Variants in FBN1 observed in about 807,000 individuals in gnomAD.
The protein encoded by FBN1 is fibrillin 1.
In FBN1, 29 loss-of-function variants were observed where a neutral mutation model predicts 365.1. That is an observed-to-expected ratio of 0.08 (90% CI 0.06 to 0.11). The LOEUF is 0.11. FBN1 is among the 10% of genes least tolerant of loss of function. The probability of loss-of-function intolerance (pLI) is 1.00; values close to 1 mark genes in which losing one functional copy is unlikely to be tolerated. For missense variants in FBN1, 2,476 were observed against 3,703.2 expected, an observed-to-expected ratio of 0.67 and a Z score of 8.60; for synonymous variants, 1,210 against 1,270.5, an observed-to-expected ratio of 0.95 and a Z score of 1.01.
chr15:48,624,155 T>C (rs1889826223), intron 2 of FBN1, among the ~76,000 whole-genome samples: 2 of 152,120 alleles, frequency 1.3e-5, no homozygotes, highest in Admixed American at 6.6e-5. Context: ...CAAAAAGCCA[T>C]GGGATGCACT....
At chr15:48,427,845 T>TTTTTATATCTGAC in intron 57 of FBN1, 72 bp from the exon 58 acceptor site, 1 of 1,482,710 alleles carries the variant, frequency 6.7e-7, no homozygotes, top group Non-Finnish European at 9.3e-7. Context: ...AAAAATTTGG[T>TTTTTATATCTGAC]CAGATATAAA....
chr15:48,553,098 A>C (rs2044155375), intron 6 of FBN1, among the ~76,000 whole-genome samples: 1 of 152,186 alleles, frequency 6.6e-6, no homozygotes, highest in African/African-American at 2.4e-5. Context: ...GCCAGTTCTC[A>C]CTTGTAAGAT....
In FBN1 at chr15:48,520,698, C is replaced by A. The variant is rs1191931914; in HGVS notation, c.1108G>T (p.Val370Phe). 5.0e-6 allele frequency: 8 copies of A among 1,614,128 alleles called. No individual in the cohort carries two copies. The highest frequency in any genetic ancestry group is 1.7e-5 in the Admixed American group (1 of 60,022). Residue 370 changes from valine (V) to phenylalanine (F), a missense_variant, in exon 10 of 66, where the codon GTC (valine) becomes TTC (phenylalanine). Around this residue, in one of 5 missense-constraint regions of FBN1, gnomAD observed 421 missense variants for 520.1 expected, o/e 0.81. Coordinates refer to ENST00000316623, the MANE Select transcript of FBN1 (RefSeq NM_000138.5). The stretch of plus-strand genomic sequence containing the variant: ...GGACACATCTCAGGGGCGACAGTGA[C>A]CCCTGGAGACCAGCATCGGCCGGCA... ...CDAGRCWSPG[V>F]TVAPEMCPIR...
In FBN1 at chr15:48,481,766, C is replaced by T. The variant is rs1555398171; in HGVS notation, c.3853G>A (p.Asp1285Asn). Residue 1285 changes from aspartate (D) to asparagine (N), a missense_variant, in exon 32 of 66, where the codon GAC becomes AAC. Physicochemically the swap from Asp to Asn is conservative, Grantham distance 23. Transcript: ENST00000316623. The part of the protein sequence containing the change: ...MKTCVDVNEC[D>N]LNPNICLSGT... ...CTTAGGCAGATATTTGGATTCAGGTCACACTCATTGACATCTGTAAAACAT... is the reference window on the plus strand; with the variant it reads ...CTTAGGCAGATATTTGGATTCAGGTTACACTCATTGACATCTGTAAAACAT... 1 of 1,613,398 alleles carries T rather than the reference C, an allele frequency of 6.2e-7. No homozygotes were observed. The highest frequency in any genetic ancestry group is 8.5e-7 in the Non-Finnish European group (1 of 1,179,436).
chr15:48,419,427 T>C (rs181736508), intron 63 of FBN1, among the ~76,000 whole-genome samples: 9 of 152,168 alleles, frequency 5.9e-5, no homozygotes, highest in Non-Finnish European at 1.0e-4. Flanking sequence ...ACAGACAGGC[T>C]CATAAACTGG....
intron 7 of FBN1, among the ~76,000 whole-genome samples, 185 bp from the exon 8 acceptor site, chr15:48,534,390 C>T (rs908921601): frequency 6.6e-5 from 10 of 152,150 alleles, no homozygotes; most frequent in African/African-American, 2.2e-4. Context: ...TAAAATACAT[C>T]GTTTGATTAA....
chr15:48,419,095 T>G (rs1051038357), intron 63 of FBN1, among the ~76,000 whole-genome samples: 1 of 152,194 alleles, frequency 6.6e-6, no homozygotes, highest in Non-Finnish European at 1.5e-5. Flanking sequence ...CTGGGGAAGC[T>G]ATTTTAGCCC....
chr15:48,420,029 TA>T (rs1225632554), intron 63 of FBN1, among the ~76,000 whole-genome samples: 6 of 152,232 alleles, frequency 3.9e-5, no homozygotes, highest in Non-Finnish European at 8.8e-5. Context: ...GTGCCTGAGC[TA>T]AGTGGCTTCT....
chr15:48,587,241 T>C (rs905386946), intron 6 of FBN1, among the ~76,000 whole-genome samples: 3 of 151,924 alleles, frequency 2.0e-5, no homozygotes, highest in African/African-American at 7.3e-5. Flanking sequence ...AAACATTAAG[T>C]GTTCTGAAGT....
At chr15:48,474,933 A>G (rs1279682181) in intron 32 of FBN1, among the ~76,000 whole-genome samples, 1 of 152,202 alleles carries the variant, frequency 6.6e-6, no homozygotes, top group Non-Finnish European at 1.5e-5. Flanking sequence ...GCTGAAGACC[A>G]TAAAAAATGA....
In FBN1 at chr15:48,444,522, C is replaced by A; in HGVS notation, c.6037+19G>T. The A allele has an allele frequency of 6.2e-7, 1 of 1,612,898 alleles. No individual in the cohort carries two copies. The highest frequency in any genetic ancestry group is 8.5e-7 in the Non-Finnish European group (1 of 1,179,276). On this transcript the variant is annotated intron_variant, in intron 49 of 65. Coordinates refer to ENST00000316623, the MANE Select transcript of FBN1 (RefSeq NM_000138.5). ...GACACCCGACACTCCTCATTTGCTA[C>A]AACTGATAGCTTTCCTACCTTCACA...
chr15:48,493,162 C>A (rs189698326), intron 23 of FBN1, among the ~76,000 whole-genome samples: 6 of 152,246 alleles, frequency 3.9e-5, no homozygotes, highest in Non-Finnish European at 8.8e-5. Context: ...TTAAAAGATA[C>A]TCATGTTCAT....
chr15:48,588,219 T>C lies in FBN1; in HGVS notation c.538+8064A>G, dbSNP rs7169628. ...GGAAAAGAGAATACAATATATCTCA[T>C]AGATAATTTTTAATACTGAGTATCT... On this transcript the variant is annotated intron_variant, in intron 6 of 65. Transcript: ENST00000316623. 3.9e-3 allele frequency among the ~76,000 whole-genome samples: 591 copies of C among 152,322 alleles called. 5 individuals are homozygous for C. Among genetic ancestry groups the C allele is most frequent in the African/African-American group, 0.013 (561 of 41,580 alleles).
intron 9 of FBN1, 70 bp from the exon 10 acceptor site, chr15:48,520,887 C>T (rs978058890): frequency 3.1e-6 from 5 of 1,599,236 alleles, no homozygotes; most frequent in Admixed American, 1.7e-5. Context: ...CTCCCCTGCC[C>T]GAGCAGCTCC....
At chr15:48,606,865 A>G (rs1175320046) in intron 4 of FBN1, among the ~76,000 whole-genome samples, 2 of 152,238 alleles carry the variant, frequency 1.3e-5, no homozygotes, top group African/African-American at 4.8e-5. Flanking sequence ...AGACGTGATA[A>G]GGTCATGAGG....
intron 58 of FBN1, among the ~76,000 whole-genome samples, chr15:48,426,219 C>T (rs1317730360): frequency 6.6e-6 from 1 of 152,202 alleles, no homozygotes; most frequent in Non-Finnish European, 1.5e-5. Context: ...CTCCTGCTGA[C>T]ATCTAATAAA....
intron 34 of FBN1, 151 bp downstream of exon 34, chr15:48,474,104 A>ATT: frequency 1.4e-5 from 15 of 1,034,874 alleles, no homozygotes; most frequent in South Asian, 3.0e-5. Flanking sequence ...CCTGGTTCCA[A>ATT]TTTTTTTTTT....
At position 48,570,367 on chromosome 15, in the gene FBN1, C is replaced by T. The variant is rs74410222; in HGVS notation, c.538+25916G>A. Among the ~76,000 whole-genome samples, 32 of 152,134 alleles carry T rather than the reference C, an allele frequency of 2.1e-4. No homozygotes were observed. In the East Asian group the frequency reaches 5.8e-3, roughly 28 times the overall value. On this transcript the variant is annotated intron_variant, in intron 6 of 65. Coordinates refer to ENST00000316623, the MANE Select transcript of FBN1 (RefSeq NM_000138.5). ...ACATAAATCTATATCACATTCCTTA[C>T]CTTTTCATGAAGAGATCAATAAAAG... is the stretch of plus-strand genomic sequence containing the variant.
intron 6 of FBN1, among the ~76,000 whole-genome samples, chr15:48,551,657 C>T (rs911478940): frequency 2.0e-5 from 3 of 152,098 alleles, no homozygotes; most frequent in African/African-American, 7.2e-5. Flanking sequence ...TTTCCCTAAT[C>T]CTCTCCCTTC....
Sources: gnomAD v4.1 joint callset for allele counts (sites outside exome capture counted in the v4.1 genomes callset) on GRCh38, gnomAD v4.1.1 for gene constraint, gnomAD v4.1.1 regional missense constraint, MANE v1.5 for transcripts, NCBI Gene and HGNC (gene_info 2026-07-23, HGNC 2026-07-21) for gene names.